Variants in CHST15 observed in about 807,000 individuals in gnomAD.
CHST15 encodes carbohydrate sulfotransferase 15.
In CHST15, 30 loss-of-function variants were observed where a neutral mutation model predicts 53.6. The observed-to-expected ratio is 0.56, with a 90% confidence interval of 0.42 to 0.76. CHST15 has a LOEUF of 0.76. Among genes scored for constraint, CHST15 ranks in the 30% least tolerant of loss-of-function variants. The pLI is 0.00. For missense variants in CHST15, 627 were observed against 740.5 expected (o/e 0.85, Z 1.78); for synonymous variants, 296 against 289.8 (o/e 1.02, Z -0.22).
chr10:124,037,112 C>T (rs1947527390), intron 5 of CHST15, among the ~76,000 whole-genome samples: 1 of 152,206 alleles, frequency 6.6e-6, no homozygotes, highest in Non-Finnish European at 1.5e-5. Flanking sequence ...CGTCAAGAGG[C>T]ATGCTCCCTG....
intron 1 of CHST15, among the ~76,000 whole-genome samples, chr10:124,060,309 G>GC (rs893595037): frequency 5.3e-5 from 8 of 150,392 alleles, no homozygotes; most frequent in African/African-American, 1.7e-4. Context: ...AGGTGTGTCT[G>GC]CCCCCCCAGA....
At chr10:124,051,745 G>C (rs553706943) in intron 1 of CHST15, among the ~76,000 whole-genome samples, 1 of 152,124 alleles carries the variant, frequency 6.6e-6, no homozygotes, top group African/African-American at 2.4e-5. Context: ...GCCCTTGCTT[G>C]GACACCCCCT....
intron 6 of CHST15, among the ~76,000 whole-genome samples, chr10:124,013,323 T>C (rs1946477063): frequency 1.3e-5 from 2 of 152,170 alleles, no homozygotes; most frequent in Admixed American, 1.3e-4. Context: ...AGCATCTGCA[T>C]GTGACGGAAC....
chr10:124,072,002 C>G (rs941475002), intron 1 of CHST15, among the ~76,000 whole-genome samples: 24 of 152,182 alleles, frequency 1.6e-4, no homozygotes, highest in African/African-American at 5.8e-4. Context: ...TTTCTTATTT[C>G]CTCCATTCCT....
At chr10:124,090,619 T>G (rs1949573677) in intron 1 of CHST15, among the ~76,000 whole-genome samples, 1 of 152,226 alleles carries the variant, frequency 6.6e-6, no homozygotes, top group Admixed American at 6.5e-5. Context: ...CTTCCAGGCA[T>G]GTGAAAAATC....
Position 124,045,125 on chromosome 10 carries a change from A to AAAAAAC in CHST15, c.547-207_547-206insGTTTTT, listed in dbSNP as rs759067301. The stretch of plus-strand genomic sequence containing the variant: ...CCCGCCGCCCCACAAAAAAAAAAAA[A>AAAAAAC]AAAAAAAAAAAAAAAAAAACTTGGA... On this transcript the variant is annotated intron_variant, in intron 2 of 7. Coordinates refer to ENST00000435907, the MANE Select transcript of CHST15 (RefSeq NM_001270764.2). Among the ~76,000 whole-genome samples the AAAAAAC allele has an allele frequency of 4.3e-4, 44 of 103,500 alleles. 2 individuals carry two copies. In the East Asian group the frequency reaches 6.8e-3, roughly 16 times the overall value. 67.9% of individuals were successfully genotyped at this position (103,500 alleles called of 152,430 possible).
At chr10:124,011,763 C>T (rs1946424113) in intron 7 of CHST15, 2 of 985,216 alleles carry the variant, frequency 2.0e-6, no homozygotes, top group Non-Finnish European at 2.4e-6. Context: ...AGGGGCCCAG[C>T]ATCCATGATC....
chr10:124,059,771 G>A (rs191834753), intron 1 of CHST15, among the ~76,000 whole-genome samples: 642 of 152,292 alleles, frequency 4.2e-3, no homozygotes, highest in Middle Eastern at 6.8e-3. Flanking sequence ...TGCTGATCCG[G>A]GTAGTTCTAA....
Position 124,019,932 on chromosome 10 carries a change from C to T in CHST15, c.1347+1324G>A, listed in dbSNP as rs1302717458. ...GCTGACCACTGGGCCTCTGCACACG[C>T]TGCTCTCAGTTCCCTGGCCAACTCT... On this transcript the variant is annotated intron_variant, in intron 6 of 7. Coordinates refer to ENST00000435907, the MANE Select transcript of CHST15 (RefSeq NM_001270764.2). This position sits in a 1 kb window ranked among gnomAD's most constrained non-coding sequence, Gnocchi z 4.6. The T allele has an allele frequency of 2.0e-6, 2 of 985,870 alleles. No homozygotes were observed. Among genetic ancestry groups the T allele is most frequent in the Non-Finnish European group, 2.4e-6 (2 of 830,350 alleles). The allele number at this position is 985,870 out of a possible 1,614,324, so 61.1% of individuals were successfully genotyped here.
intron 5 of CHST15, among the ~76,000 whole-genome samples, chr10:124,033,235 G>A (rs1947296800): frequency 6.6e-6 from 1 of 152,254 alleles, no homozygotes; most frequent in Non-Finnish European, 1.5e-5. Flanking sequence ...CTTCGAAAAA[G>A]AAGAAATTCC....
At chr10:124,022,909 T>C (rs1332479096) in intron 5 of CHST15, among the ~76,000 whole-genome samples, 1 of 147,124 alleles carries the variant, frequency 6.8e-6, no homozygotes, top group African/African-American at 2.5e-5. Flanking sequence ...GTCCGCCTCC[T>C]GGGTTCAAGC....
intron 1 of CHST15, among the ~76,000 whole-genome samples, chr10:124,084,212 A>G (rs959053258): frequency 6.6e-6 from 1 of 152,174 alleles, no homozygotes. Flanking sequence ...GGAAGCAAGG[A>G]CAAAGGAAGC....
intron 1 of CHST15, among the ~76,000 whole-genome samples, chr10:124,083,462 A>G (rs967176648): frequency 2.6e-5 from 4 of 151,998 alleles, no homozygotes; most frequent in Admixed American, 2.0e-4. Flanking sequence ...AGATCCCTGG[A>G]TTTTCTATTG....
chr10:124,089,746 T>A (rs766123490), intron 1 of CHST15, among the ~76,000 whole-genome samples: 2 of 152,104 alleles, frequency 1.3e-5, no homozygotes, highest in Non-Finnish European at 2.9e-5. Flanking sequence ...TTGCTTTGCA[T>A]CACCACCCTT....
At chr10:124,020,795 T>TA in intron 6 of CHST15, 1 of 1,124,450 alleles carries the variant, frequency 8.9e-7, no homozygotes, top group South Asian at 3.9e-5. Context: ...GAACAAGAGA[T>TA]ACGATTGAGG....
At chr10:124,041,431 T>C (rs1947737156) in intron 4 of CHST15, among the ~76,000 whole-genome samples, 1 of 152,316 alleles carries the variant, frequency 6.6e-6, no homozygotes, top group South Asian at 2.1e-4. Flanking sequence ...ATAACAAGTC[T>C]AGAGATCTAA....
intron 1 of CHST15, among the ~76,000 whole-genome samples, chr10:124,083,441 T>C (rs894512387): frequency 3.9e-5 from 6 of 152,384 alleles, no homozygotes; most frequent in Non-Finnish European, 8.8e-5. Context: ...CCAAATTTTA[T>C]ACAATGCAAA....
chr10:124,075,525 G>A (rs1451180884), intron 1 of CHST15, among the ~76,000 whole-genome samples: 1 of 152,172 alleles, frequency 6.6e-6, no homozygotes, highest in Non-Finnish European at 1.5e-5. Flanking sequence ...GGAAAATCTA[G>A]CGGTGGTGCA....
At chr10:124,067,510 A>G (rs1389884925) in intron 1 of CHST15, among the ~76,000 whole-genome samples, 2 of 152,270 alleles carry the variant, frequency 1.3e-5, no homozygotes, top group African/African-American at 4.8e-5. Flanking sequence ...CAAGCCTGAT[A>G]AACAGGGAAG....
Sources: gnomAD v4.1 joint callset for allele counts (sites outside exome capture counted in the v4.1 genomes callset) on GRCh38, gnomAD v4.1.1 for gene constraint, Gnocchi (gnomAD v3.1) non-coding constraint, MANE v1.5 for transcripts, NCBI Gene and HGNC (gene_info 2026-07-23, HGNC 2026-07-21) for gene names.